ZNF649: variants seen among roughly 807,000 people sequenced by gnomAD.
The protein encoded by ZNF649 is zinc finger protein 649.
In ZNF649, 7 loss-of-function variants were observed where a neutral mutation model predicts 14.1. The ratio of observed to expected loss-of-function variants is 0.49; its 90% CI spans 0.28 to 0.93. The LOEUF (loss-of-function observed/expected upper bound fraction) is 0.93. Ranked by LOEUF, ZNF649 falls within the 40% of genes least tolerant of loss-of-function variation. ZNF649 has a pLI of 0.10. For missense variants in ZNF649, 544 were observed against 608.1 expected, an observed-to-expected ratio of 0.89 and a Z score of 1.11; for synonymous variants, 227 against 212.3, an observed-to-expected ratio of 1.07 and a Z score of -0.60.
rs2085064452 is a variant in ZNF649, at chr19:51,896,637, A to G, written c.143-70T>C. On this transcript the variant is annotated intron_variant, in intron 3 of 4. Coordinates refer to ENST00000354957, the MANE Select transcript of ZNF649 (RefSeq NM_023074.4). ...CCACGTGGCTCTGATGATAGGAGAA[A>G]GGTACATGTTAGGGACTGCATAATT... 7 of 1,560,906 alleles carry G rather than the reference A, an allele frequency of 4.5e-6. No individual in the cohort carries two copies. In the East Asian group the frequency reaches 1.6e-4, roughly 35 times the overall value.
At position 51,890,218 on chromosome 19, in the gene ZNF649, G is replaced by C. The variant is rs1011140069; in HGVS notation, c.*400C>G. 1 of 157,592 alleles carries C rather than the reference G, an allele frequency of 6.3e-6. No individual in the cohort carries two copies. The highest frequency in any genetic ancestry group is 2.5e-5 in the African/African-American group (1 of 40,100). 9.8% of individuals were successfully genotyped at this position (157,592 alleles called of 1,614,324 possible). A position where few individuals can be genotyped will look rare whatever the true frequency, so the allele number is the denominator to read the frequency against. On this transcript the variant is annotated 3_prime_UTR_variant, in exon 5 of 5. Transcript: ENST00000354957. Reference sequence around the variant, plus strand: ...AACTATAAAAAATGAAATAATGAAGGGTAAAATAATAAAAAGCATGAACAT... The same window carrying C: ...AACTATAAAAAATGAAATAATGAAGCGTAAAATAATAAAAAGCATGAACAT...
intron 1 of ZNF649, chr19:51,904,374 A>G (rs1045789624): frequency 6.6e-6 from 1 of 152,160 alleles, no homozygotes; most frequent in African/African-American, 2.4e-5. Flanking sequence ...TGTCTTAACA[A>G]GTCGGCTCTG....
At position 51,889,670 on chromosome 19, in the gene ZNF649, G is replaced by A. The variant is rs1255784959; in HGVS notation, c.*948C>T. On this transcript the variant is annotated 3_prime_UTR_variant, in exon 5 of 5. Coordinates refer to ENST00000354957, the MANE Select transcript of ZNF649 (RefSeq NM_023074.4). ...TAGGACTTCAACATGTAAATTTGGAGAGGACATAAATATGCAATCCCTCAC... is the reference window on the plus strand; with the variant it reads ...TAGGACTTCAACATGTAAATTTGGAAAGGACATAAATATGCAATCCCTCAC... 3 of 152,158 alleles carry A rather than the reference G, an allele frequency of 2.0e-5. No homozygotes were observed. The highest frequency in any genetic ancestry group is 4.8e-5 in the African/African-American group (2 of 41,422). The allele number at this position is 152,158 out of a possible 1,614,324, so 9.4% of individuals were successfully genotyped here. A position where few individuals can be genotyped will look rare whatever the true frequency, so the allele number is the denominator to read the frequency against.
Position 51,891,361 on chromosome 19 carries a change from C to T in ZNF649, c.775G>A (p.Glu259Lys). 6.2e-7 allele frequency: 1 copy of T among 1,614,228 alleles called. No homozygotes were observed. Among genetic ancestry groups the T allele is most frequent in the Non-Finnish European group, 8.5e-7 (1 of 1,180,048 alleles). ...LTEHERAHKGEKPYGCSECGK... is the reference protein window; with the variant it reads ...LTEHERAHKGKKPYGCSECGK... ...CATTCACTGCACCCGTATGGTTTCT[C>T]TCCTTTGTGAGCTCTCTCGTGTTCA... The change falls in exon 5 of 5, where the codon GAG becomes AAG. Residue 259 changes from glutamate (E) to lysine (K), a missense_variant. Glu to Lys is a moderately conservative substitution (Grantham distance 56, BLOSUM62 1). Coordinates refer to ENST00000354957, the MANE Select transcript of ZNF649 (RefSeq NM_023074.4). The surrounding 1 kb of genome is among the most constrained non-coding windows in gnomAD (Gnocchi z 4.2).
chr19:51,899,215 AT>A (rs1269882837), intron 2 of ZNF649, among the ~76,000 whole-genome samples: 1 of 152,262 alleles, frequency 6.6e-6, no homozygotes, highest in African/African-American at 2.4e-5. Flanking sequence ...GTGTAAAACC[AT>A]AATGAGTCAT....
Position 51,891,916 on chromosome 19 carries a change from A to C in ZNF649, c.239-19T>G. 1 of 1,534,244 alleles carries C rather than the reference A, an allele frequency of 6.5e-7. No homozygotes were observed. The highest frequency in any genetic ancestry group is 8.7e-7 in the Non-Finnish European group (1 of 1,148,116). On this transcript the variant is annotated intron_variant, in intron 4 of 4. Transcript: ENST00000354957. The surrounding 1 kb of genome is among the most constrained non-coding windows in gnomAD (Gnocchi z 4.2). Reference sequence around the variant, plus strand: ...TCAATTTCTAAGAGAGAGAACAATAAATCCTTCCATGATCATCACACGGAA... The same window carrying C: ...TCAATTTCTAAGAGAGAGAACAATACATCCTTCCATGATCATCACACGGAA...
intron 1 of ZNF649, among the ~76,000 whole-genome samples, chr19:51,904,414 T>G (rs2122776965): frequency 6.6e-6 from 1 of 152,202 alleles, no homozygotes; most frequent in East Asian, 1.9e-4. Flanking sequence ...TGGGCGGTTA[T>G]AGTTTCACAA....
chr19:51,892,613 TG>T (rs1441101048), intron 4 of ZNF649, among the ~76,000 whole-genome samples: 2 of 152,192 alleles, frequency 1.3e-5, no homozygotes, highest in African/African-American at 4.8e-5. Context: ...GTTAGAATGT[TG>T]GATACACAGC....
rs201376905 is a variant in ZNF649, at chr19:51,896,874, G to C, written c.120C>G (p.Asn40Lys). Reference protein sequence around the residue: ...KDLYRDVMLENYSNLVSVGYQ... With the variant: ...KDLYRDVMLEKYSNLVSVGYQ... ...CACCCACTGACACAAGGTTGCTGTA[G>C]TTCTCCAACATCACATCCCGGTACA... Residue 40 changes from asparagine to lysine, a missense_variant, in exon 3 of 5, where the codon AAC becomes AAG. Coordinates refer to ENST00000354957, the MANE Select transcript of ZNF649 (RefSeq NM_023074.4). 6.2e-7 allele frequency: 1 copy of C among 1,614,138 alleles called. No individual in the cohort carries two copies. Among genetic ancestry groups the C allele is most frequent in the Non-Finnish European group, 8.5e-7 (1 of 1,180,012 alleles).
chr19:51,900,702 G>C (rs1171115888), intron 1 of ZNF649, among the ~76,000 whole-genome samples: 1 of 152,134 alleles, frequency 6.6e-6, no homozygotes, highest in Non-Finnish European at 1.5e-5. Flanking sequence ...CACCCCATAA[G>C]CCTTTTTCCC....
chr19:51,892,030 G>A, intron 4 of ZNF649, 133 bp from the exon 5 acceptor site: 1 of 1,084,800 alleles, frequency 9.2e-7, no homozygotes. Flanking sequence ...AAGTATAAGT[G>A]TTCCCTATCT....
chr19:51,892,413 T>A (rs148294664), intron 4 of ZNF649, among the ~76,000 whole-genome samples: 2,939 of 151,818 alleles, frequency 0.019, 106 homozygotes, highest in African/African-American at 0.066. Context: ...GCACAGTGGC[T>A]CATGCCTGTA....
intron 1 of ZNF649, chr19:51,904,357 A>C (rs950093994): frequency 7.9e-5 from 12 of 151,854 alleles, no homozygotes; most frequent in African/African-American, 2.9e-4. Context: ...CTCCATTGCA[A>C]TTTCCCTGTC....
At position 51,903,492 on chromosome 19, in the gene ZNF649, A is replaced by G. The variant is rs1309034111; in HGVS notation, c.-188+1422T>C. 5.9e-5 allele frequency among the ~76,000 whole-genome samples: 9 copies of G among 152,314 alleles called. No homozygotes were observed. In the East Asian group the frequency reaches 1.5e-3, roughly 26 times the overall value. On this transcript the variant is annotated intron_variant, in intron 1 of 4. Coordinates refer to ENST00000354957, the MANE Select transcript of ZNF649 (RefSeq NM_023074.4). ...TTTTGGGAGACATGTGCCAGGAAAC[A>G]GGACAAAGATCGATTATACATTTCT... is the stretch of plus-strand genomic sequence containing the variant.
At chr19:51,903,073 CAGAT>C (rs144313497) in intron 1 of ZNF649, among the ~76,000 whole-genome samples, 2,449 of 152,108 alleles carry the variant, frequency 0.016, 38 homozygotes, top group Middle Eastern at 0.031. Flanking sequence ...GATGAAGAGG[CAGAT>C]GGAAGGGATA....
chr19:51,900,334 C>T (rs934970133), intron 1 of ZNF649, 40 bp from the exon 2 acceptor site: 1 of 404,348 alleles, frequency 2.5e-6, no homozygotes, highest in Non-Finnish European at 4.4e-6. Flanking sequence ...GACACATTCC[C>T]TCCGGGCCCA....
Position 51,894,888 on chromosome 19 carries a change from A to G in ZNF649, c.238+1584T>C, listed in dbSNP as rs559076614. Among the ~76,000 whole-genome samples, 22 of 152,172 alleles carry G rather than the reference A, an allele frequency of 1.4e-4. No homozygotes were observed. The East Asian group carries it at 3.3e-3, about 23-fold the overall frequency. ...CCAGGCCCCCAACTCAATTCTAACA[A>G]AACCAGACTCACAGAGCAAGAGGCC... On this transcript the variant is annotated intron_variant, in intron 4 of 4. Transcript: ENST00000354957.
chr19:51,894,279 C>T (rs536193637), intron 4 of ZNF649, among the ~76,000 whole-genome samples: 4 of 152,186 alleles, frequency 2.6e-5, no homozygotes, highest in Admixed American at 6.5e-5. Flanking sequence ...ATGACAGGCA[C>T]GTGCCACCAC....
rs763649876 is a variant in ZNF649, at chr19:51,890,884, T to G, written c.1252A>C (p.Ile418Leu). The change falls in exon 5 of 5, where the codon ATT becomes CTT. Residue 418 changes from isoleucine (I) to leucine (L), a missense_variant. By Grantham distance (5) the Ile-to-Leu change is conservative. Coordinates refer to ENST00000354957, the MANE Select transcript of ZNF649 (RefSeq NM_023074.4). ...GKAFLTKTML[I>L]VHHRTHTGER... The stretch of plus-strand genomic sequence containing the variant: ...CCCGTGTGAGTTCTGTGATGTACAA[T>G]GAGCATTGTCTTTGTAAGGAAGGCT... 2 of 1,614,248 alleles carry G rather than the reference T, an allele frequency of 1.2e-6. No individual in the cohort carries two copies. The highest frequency in any genetic ancestry group is 1.7e-6 in the Non-Finnish European group (2 of 1,180,036).
Sources: gnomAD v4.1 joint callset for allele counts (sites outside exome capture counted in the v4.1 genomes callset) on GRCh38, gnomAD v4.1.1 for gene constraint, Gnocchi (gnomAD v3.1) non-coding constraint, MANE v1.5 for transcripts, NCBI Gene and HGNC (gene_info 2026-07-23, HGNC 2026-07-21) for gene names.